DIAPH1: variants seen among roughly 807,000 people sequenced by gnomAD.
DIAPH1 encodes the protein protein diaphanous homolog 1.
Under a neutral mutation model 140.7 loss-of-function variants are expected in DIAPH1, and 46 were observed. That is an observed-to-expected ratio of 0.33 (90% confidence interval 0.26 to 0.42). The LOEUF (loss-of-function observed/expected upper bound fraction) is 0.42, where lower values mean the gene tolerates loss of function less well. DIAPH1 is among the 10% of genes least tolerant of loss of function. The pLI, the probability that DIAPH1 is intolerant of heterozygous loss-of-function variation, is 1.00. For synonymous variants in DIAPH1, 565 were observed against 551.6 expected, an observed-to-expected ratio of 1.02 and a Z score of -0.34; for missense variants, 1,310 against 1,558.7, an observed-to-expected ratio of 0.84 and a Z score of 2.69.
At chr5:141,546,291 A>G (rs1424003960) in intron 18 of DIAPH1, among the ~76,000 whole-genome samples, 1 of 152,172 alleles carries the variant, frequency 6.6e-6, no homozygotes, top group Non-Finnish European at 1.5e-5. Flanking sequence ...CTGAGGCAGG[A>G]TAACTGCTTG....
Position 141,582,301 on chromosome 5 carries a change from A to G in DIAPH1, c.684+11T>C. Reference sequence around the variant, plus strand: ...AGATGGGGTTTGGAATGAGAATGGGAAAAATCTCACCTTGTTGTTCATAAA... The same window carrying G: ...AGATGGGGTTTGGAATGAGAATGGGGAAAATCTCACCTTGTTGTTCATAAA... On this transcript the variant is annotated intron_variant, in intron 7 of 27. Coordinates refer to ENST00000389054, the MANE Select transcript of DIAPH1 (RefSeq NM_005219.5). The G allele has an allele frequency of 6.2e-7, 1 of 1,612,038 alleles. No individual in the cohort carries two copies. The highest frequency in any genetic ancestry group is 8.5e-7 in the Non-Finnish European group (1 of 1,178,116).
chr5:141,602,146 T>C (rs2099900236), intron 1 of DIAPH1, among the ~76,000 whole-genome samples: 1 of 152,212 alleles, frequency 6.6e-6, no homozygotes, highest in Non-Finnish European at 1.5e-5. Context: ...CTTAGGGTAC[T>C]GAGGCAACAG....
In DIAPH1 at chr5:141,526,470, A is replaced by C; in HGVS notation, c.3274-9T>G. 6.2e-7 allele frequency: 1 copy of C among 1,614,114 alleles called. No individual in the cohort carries two copies. The highest frequency in any genetic ancestry group is 8.5e-7 in the Non-Finnish European group (1 of 1,180,020). On this transcript the variant is annotated splice_polypyrimidine_tract_variant and intron_variant, in intron 24 of 27. Coordinates refer to ENST00000389054, the MANE Select transcript of DIAPH1 (RefSeq NM_005219.5). ...GCATCCTTCACAAAGCTGTGCAGCCAAGGAGTAAAGGACCAAGACCAAGAC... is the reference window on the plus strand; with the variant it reads ...GCATCCTTCACAAAGCTGTGCAGCCCAGGAGTAAAGGACCAAGACCAAGAC...
At chr5:141,540,619 T>C (rs373304974) in intron 18 of DIAPH1, among the ~76,000 whole-genome samples, 15 of 148,472 alleles carry the variant, frequency 1.0e-4, no homozygotes, top group African/African-American at 3.7e-4. Flanking sequence ...TTTCGCCATG[T>C]TGGCCAGGCT....
chr5:141,562,310 A>G (rs1309239465), intron 18 of DIAPH1, among the ~76,000 whole-genome samples: 4 of 152,144 alleles, frequency 2.6e-5, no homozygotes, highest in Non-Finnish European at 4.4e-5. Context: ...TTAAAAACTT[A>G]TAATTTTTTT....
intron 3 of DIAPH1, among the ~76,000 whole-genome samples, chr5:141,586,083 G>C (rs1402882248): frequency 6.6e-6 from 1 of 152,126 alleles, no homozygotes; most frequent in African/African-American, 2.4e-5. Context: ...AATGCCAAAA[G>C]CCTCTCTTCA....
intron 14 of DIAPH1, 69 bp from the exon 15 acceptor site, chr5:141,575,215 C>T (rs2099895774): frequency 3.3e-6 from 5 of 1,517,830 alleles, no homozygotes; most frequent in Non-Finnish European, 3.7e-6. Flanking sequence ...TATTATTACC[C>T]ATAATTCTCC....
intron 1 of DIAPH1, 69 bp downstream of exon 1, chr5:141,618,728 AG>A: frequency 8.6e-7 from 1 of 1,158,418 alleles, no homozygotes; most frequent in Non-Finnish European, 1.2e-6. Flanking sequence ...CAGGCGCCCC[AG>A]GGGCCGGCTG....
At position 141,573,817 on chromosome 5, in the gene DIAPH1, G is replaced by C. The variant is rs1184844577; in HGVS notation, c.2033C>G (p.Pro678Arg). The C allele has an allele frequency of 6.6e-7, 1 of 1,521,218 alleles. No individual in the cohort carries two copies. 94.2% of individuals were successfully genotyped at this position (1,521,218 alleles called of 1,614,324 possible). A position where few individuals can be genotyped will look rare whatever the true frequency, so the allele number is the denominator to read the frequency against. The change falls in exon 16 of 28, where the codon CCT (proline) becomes CGT (arginine). Residue 678 changes from proline (P) to arginine (R), a missense_variant. Pro to Arg is a moderately radical substitution (Grantham distance 103). Coordinates refer to ENST00000389054, the MANE Select transcript of DIAPH1 (RefSeq NM_005219.5). ...TCTAGCACTCCCAGGCAAAGGAGGA[G>C]GTGGGGGGATGGCAGTACCTCCAGG... is the stretch of plus-strand genomic sequence containing the variant. The part of the protein sequence containing the change: ...SLPGGTAIPP[P>R]PPLPGSARIP...
intron 1 of DIAPH1, among the ~76,000 whole-genome samples, chr5:141,590,280 T>C (rs912298963): frequency 1.3e-5 from 2 of 152,204 alleles, no homozygotes; most frequent in Non-Finnish European, 2.9e-5. Flanking sequence ...CAAACAAACT[T>C]TGACCTCCAT....
At chr5:141,554,837 T>C (rs1439817692) in intron 18 of DIAPH1, among the ~76,000 whole-genome samples, 1 of 152,188 alleles carries the variant, frequency 6.6e-6, no homozygotes, top group African/African-American at 2.4e-5. Context: ...TGACCAAATT[T>C]AATATCCATT....
At position 141,574,146 on chromosome 5, in the gene DIAPH1, T is replaced by C. The variant is rs1192346574; in HGVS notation, c.1704A>G (p.Ala568=). The C allele has an allele frequency of 8.1e-6, 13 of 1,614,038 alleles. No homozygotes were observed. Among genetic ancestry groups the C allele is most frequent in the Admixed American group, 3.3e-5 (2 of 60,022 alleles). ...AKKEMASLSA[A]AITVPPSVPS... ...GAACAGAAGGAGGTACAGTAATAGC[T>C]GCCGCAGAGAGGGAAGCCATTTCTT... is the stretch of plus-strand genomic sequence containing the variant. The change falls in exon 16 of 28, where the codon GCA becomes GCG. Residue 568 remains alanine, a synonymous_variant. Transcript: ENST00000389054.
chr5:141,573,901 GT>G lies in DIAPH1; in HGVS notation c.1948del (p.Thr650ProfsTer118). On this transcript the variant is annotated frameshift_variant, in exon 16 of 28. Coordinates refer to ENST00000389054, the MANE Select transcript of DIAPH1 (RefSeq NM_005219.5). LOFTEE classifies it high-confidence loss of function. ...SPPPPLSGDATIPPPPPLPEG... is the reference protein window; with the variant it reads ...SPPPPLSGDAXIPPPPPLPEG... ...AGGCAAAGGAGGGGGTGGAGGGATG[GT>G]AGCATCCCCAGACAAAGGAGGGGGT... 6.5e-7 allele frequency: 1 copy of G among 1,548,074 alleles called. No homozygotes were observed. Among genetic ancestry groups the G allele is most frequent in the Non-Finnish European group, 8.7e-7 (1 of 1,145,832 alleles).
At chr5:141,544,171 G>A (rs1374864662) in intron 18 of DIAPH1, among the ~76,000 whole-genome samples, 2 of 152,038 alleles carry the variant, frequency 1.3e-5, no homozygotes, top group Non-Finnish European at 2.9e-5. Flanking sequence ...TTAGCCGGGC[G>A]TGGTGGCGGG....
At position 141,542,346 on chromosome 5, in the gene DIAPH1, T is replaced by A. The variant is rs190542942; in HGVS notation, c.2483-7913A>T. 3.3e-3 allele frequency among the ~76,000 whole-genome samples: 506 copies of A among 151,420 alleles called. 3 individuals carry two copies. The highest frequency in any genetic ancestry group is 5.4e-3 in the Non-Finnish European group (369 of 67,928). On this transcript the variant is annotated intron_variant, in intron 18 of 27. Coordinates refer to ENST00000389054, the MANE Select transcript of DIAPH1 (RefSeq NM_005219.5). ...TACTCGGGAGGCTGAGGCAAGAGAA[T>A]CACTTGAACCCAGGAGGCAGAGGTT...
At chr5:141,537,149 CAGAG>C (rs1004695944) in intron 18 of DIAPH1, among the ~76,000 whole-genome samples, 14 of 152,008 alleles carry the variant, frequency 9.2e-5, no homozygotes, top group Non-Finnish European at 1.5e-4. Context: ...GCCTGGATGA[CAGAG>C]AGAGTCCCTA....
intron 20 of DIAPH1, 120 bp from the exon 21 acceptor site, chr5:141,529,393 T>C (rs2099887872): frequency 1.0e-6 from 1 of 960,800 alleles, no homozygotes; most frequent in Non-Finnish European, 1.7e-6. Flanking sequence ...AAGAAACATA[T>C]GGTGGGAGAA....
chr5:141,531,879 CAT>C (rs567645827), intron 19 of DIAPH1, among the ~76,000 whole-genome samples: 164 of 152,264 alleles, frequency 1.1e-3, no homozygotes, highest in Middle Eastern at 6.8e-3. Context: ...AAAACAATGA[CAT>C]AACTCATCTC....
intron 8 of DIAPH1, among the ~76,000 whole-genome samples, chr5:141,579,877 G>A (rs564901506): frequency 4.1e-4 from 63 of 151,908 alleles, no homozygotes; most frequent in Middle Eastern, 3.4e-3. Context: ...GAACCTGGGA[G>A]GAGGAGTTTG....
Sources: allele counts gnomAD v4.1 joint callset (sites outside exome capture counted in the v4.1 genomes callset), GRCh38; gene constraint gnomAD v4.1.1; transcripts MANE v1.5; gene names NCBI Gene and HGNC (gene_info 2026-07-23, HGNC 2026-07-21).